The following TVP23C variants were observed in gnomAD, a reference collection of about 807,000 sequenced individuals.
TVP23C encodes the protein trans-golgi network vesicle protein 23 homolog C, also known as Golgi apparatus membrane protein TVP23 homolog C.
TVP23C carries 19 observed loss-of-function variants against 28.7 expected under a neutral mutation model. That is an observed-to-expected ratio of 0.66 (90% CI 0.46 to 0.97). The LOEUF (loss-of-function observed/expected upper bound fraction) is 0.97, where lower values mean the gene tolerates loss of function less well. Ranked by LOEUF, TVP23C falls within the 50% of genes least tolerant of loss-of-function variation. The pLI is 0.00. For synonymous variants in TVP23C, 68 were observed against 81.7 expected, an observed-to-expected ratio of 0.83 and a Z score of 0.90; for missense variants, 186 against 241.3, an observed-to-expected ratio of 0.77 and a Z score of 1.52.
chr17:15,559,879 G>C (rs1984301782), intron 1 of TVP23C, among the ~76,000 whole-genome samples: 1 of 148,660 alleles, frequency 6.7e-6, no homozygotes, highest in South Asian at 2.2e-4. Context: ...CCAATAATTA[G>C]AGATCACAAA....
rs547633151 is a variant in TVP23C, at chr17:15,539,373, G to A, written c.*1039C>T. 3.6e-4 allele frequency: 301 copies of A among 837,096 alleles called. 2 individuals are homozygous for A. The African/African-American group carries it at 4.7e-3, about 13-fold the overall frequency. The allele number at this position is 837,096 out of a possible 1,614,324, so 51.9% of individuals were successfully genotyped here. On this transcript the variant is annotated 3_prime_UTR_variant, in exon 6 of 6. Coordinates refer to ENST00000518321, the MANE Select transcript of TVP23C (RefSeq NM_001135036.2). ...CTGTAATCCCAGCACTTTGGGAGGC[G>A]GAGGCAGGCGGATCACGAGGTCAGG...
At chr17:15,526,875 T>C (rs963159589) in intron 5 of TVP23C, among the ~76,000 whole-genome samples, 6 of 152,238 alleles carry the variant, frequency 3.9e-5, no homozygotes, top group African/African-American at 1.4e-4. Context: ...GTGTTTTAAC[T>C]ATAAATTAGA....
chr17:15,504,485 G>A (rs1476499411), intron 5 of TVP23C, among the ~76,000 whole-genome samples: 1 of 152,192 alleles, frequency 6.6e-6, no homozygotes, highest in East Asian at 1.9e-4. Context: ...GGTTTATTAA[G>A]AGTTGAGAGC....
chr17:15,528,744 T>C (rs1208025159), intron 5 of TVP23C, among the ~76,000 whole-genome samples: 1 of 151,974 alleles, frequency 6.6e-6, no homozygotes, highest in African/African-American at 2.4e-5. Flanking sequence ...ATTACAGGCA[T>C]GCGCCGCCAC....
rs1282021313 is a variant in TVP23C, at chr17:15,537,571, C to G, written c.*2841G>C. 1 of 984,188 alleles carries G rather than the reference C, an allele frequency of 1.0e-6. No individual in the cohort carries two copies. The highest frequency in any genetic ancestry group is 6.1e-5 in the Admixed American group (1 of 16,266). 61.0% of individuals were successfully genotyped at this position (984,188 alleles called of 1,614,324 possible). On this transcript the variant is annotated 3_prime_UTR_variant, in exon 6 of 6. Transcript: ENST00000518321. ...TTTATAAAGTAGTTAATACCACTGG[C>G]CCTAATTGTTTTCACTTGCTTGCAT...
rs141159963 is a variant in TVP23C at position 15,529,126 on chromosome 17, A to C, written c.462+16659T>G. 7.7e-3 allele frequency among the ~76,000 whole-genome samples: 1,175 copies of C among 152,166 alleles called. 4 individuals are homozygous for C. The highest frequency in any genetic ancestry group is 0.014 in the Non-Finnish European group (925 of 68,004). ...GGACTATGCTTACTCTTTTATGTGG[A>C]TTATCTCATTTAGTTATTAATAATT... On this transcript the variant is annotated intron_variant, in intron 5 of 5. Transcript: ENST00000225576.
At position 15,539,422 on chromosome 17, in the gene TVP23C, A is replaced by C; in HGVS notation, c.*990T>G. On this transcript the variant is annotated 3_prime_UTR_variant, in exon 6 of 6. Coordinates refer to ENST00000518321, the MANE Select transcript of TVP23C (RefSeq NM_001135036.2). ...GGAGATCGAGACCATCCTGGCTAACACGGTGAAACCCCGTCTCTACTAAAA... is the reference window on the plus strand; with the variant it reads ...GGAGATCGAGACCATCCTGGCTAACCCGGTGAAACCCCGTCTCTACTAAAA... The C allele has an allele frequency of 2.0e-6, 1 of 500,742 alleles. No individual in the cohort carries two copies. The highest frequency in any genetic ancestry group is 2.6e-6 in the Non-Finnish European group (1 of 387,456). 31.0% of individuals were successfully genotyped at this position (500,742 alleles called of 1,614,324 possible). A position where few individuals can be genotyped will look rare whatever the true frequency, so the allele number is the denominator to read the frequency against.
At chr17:15,504,835 G>A (rs552393779) in intron 5 of TVP23C, among the ~76,000 whole-genome samples, 26 of 152,242 alleles carry the variant, frequency 1.7e-4, no homozygotes, top group African/African-American at 5.5e-4. Context: ...TGTGCTCCAC[G>A]GAGGATGAGG....
At chr17:15,528,895 G>T (rs1308074775) in intron 5 of TVP23C, among the ~76,000 whole-genome samples, 1 of 151,832 alleles carries the variant, frequency 6.6e-6, no homozygotes, top group Non-Finnish European at 1.5e-5. Flanking sequence ...ACCGTGCCTG[G>T]CAGATTTAGT....
chr17:15,518,217 C>G (rs1023901423), intron 5 of TVP23C, among the ~76,000 whole-genome samples: 1 of 151,094 alleles, frequency 6.6e-6, no homozygotes, highest in Non-Finnish European at 1.5e-5. Flanking sequence ...CACAGAGAAC[C>G]CAATAGGCAC....
At chr17:15,502,803 CT>C (rs1981522283) in exon 6 of TVP23C, 72 of 1,455,708 alleles carry the variant, frequency 4.9e-5, no homozygotes, top group South Asian at 4.1e-4. Context: ...CCTCTCTCCT[CT>C]CTCTCCTCTC....
Position 15,502,767 on chromosome 17 carries a change from T to A in TVP23C, c.*97A>T. On this transcript the variant is annotated 3_prime_UTR_variant, in exon 6 of 6. Coordinates refer to the TVP23C transcript ENST00000225576. ...TCTCTCCCGTCTCTTTCTCTCCTTC[T>A]CCGTCACTCTCTTCCCTCCCTCTCT... The A allele has an allele frequency of 2.8e-6, 4 of 1,421,066 alleles. No individual in the cohort carries two copies. The South Asian group carries it at 4.6e-5, about 16-fold the overall frequency. The allele number at this position is 1,421,066 out of a possible 1,614,324, so 88.0% of individuals were successfully genotyped here.
At chr17:15,555,459 T>TA (rs1984089602) in intron 1 of TVP23C, 95 bp from the exon 2 acceptor site, 1 of 1,524,604 alleles carries the variant, frequency 6.6e-7, no homozygotes, top group South Asian at 1.2e-5. Context: ...AAATAGAAGA[T>TA]AAAATAATGT....
chr17:15,505,718 G>A (rs1315353402), intron 5 of TVP23C, among the ~76,000 whole-genome samples: 2 of 152,224 alleles, frequency 1.3e-5, no homozygotes, highest in African/African-American at 2.4e-5. Context: ...AGCGGGAACC[G>A]GGGCTGCCTA....
chr17:15,540,619 T>C, intron 5 of TVP23C, 58 bp from the exon 6 acceptor site: 1 of 1,550,784 alleles, frequency 6.4e-7, no homozygotes, highest in Non-Finnish European at 8.8e-7. Flanking sequence ...CCTTTCTCTG[T>C]GCCATAAATG....
chr17:15,526,206 C>A (rs1037629596), intron 5 of TVP23C, among the ~76,000 whole-genome samples: 1 of 152,060 alleles, frequency 6.6e-6, no homozygotes, highest in East Asian at 1.9e-4. Context: ...TAAATGTATA[C>A]CTTTGGCCTA....
In TVP23C at chr17:15,557,330, G is replaced by A. The variant is rs1030835748; in HGVS notation, c.13-1966C>T. On this transcript the variant is annotated intron_variant, in intron 1 of 5. Coordinates refer to ENST00000518321, the MANE Select transcript of TVP23C (RefSeq NM_001135036.2). ...TTTTGAGACAGAGTCTTGCTCTGTC[G>A]CCCAGGCTGGAGTACAGTGGTATGG... Among the ~76,000 whole-genome samples, 13 of 134,070 alleles carry A rather than the reference G, an allele frequency of 9.7e-5. 1 individual carries two copies. The highest frequency in any genetic ancestry group is 2.3e-4 in the East Asian group (1 of 4,430). The allele number at this position is 134,070 out of a possible 152,430, so 88.0% of individuals were successfully genotyped here. A position where few individuals can be genotyped will look rare whatever the true frequency, so the allele number is the denominator to read the frequency against.
chr17:15,513,375 A>G (rs1982083550), intron 5 of TVP23C, among the ~76,000 whole-genome samples: 1 of 152,226 alleles, frequency 6.6e-6, no homozygotes, highest in South Asian at 2.1e-4. Flanking sequence ...TTTCTATGTG[A>G]AAACAATTGA....
intron 4 of TVP23C, 39 bp from the exon 5 acceptor site, chr17:15,545,955 T>C (rs1243170609): frequency 4.4e-6 from 7 of 1,587,800 alleles, no homozygotes; most frequent in African/African-American, 1.4e-5. Context: ...TGTTGTGAAA[T>C]TTATCAATAA....
Sources: gnomAD v4.1 joint callset for allele counts (sites outside exome capture counted in the v4.1 genomes callset) on GRCh38, gnomAD v4.1.1 for gene constraint, MANE v1.5 for transcripts, NCBI Gene and HGNC (gene_info 2026-07-23, HGNC 2026-07-21) for gene names.